The following VOPP1 variants were observed in gnomAD, a reference collection of about 807,000 sequenced individuals.
VOPP1 encodes VOPP1 WW domain binding protein.
Under a neutral mutation model 23.5 loss-of-function variants are expected in VOPP1, and 8 were observed. The ratio of observed to expected loss-of-function variants is 0.34; its 90% CI spans 0.20 to 0.61. VOPP1 has a LOEUF of 0.61. VOPP1 is among the 20% of genes least tolerant of loss of function. The probability of loss-of-function intolerance (pLI) is 0.78; values close to 1 mark genes in which losing one functional copy is unlikely to be tolerated. For synonymous variants in VOPP1, 83 were observed against 97.3 expected (o/e 0.85, Z 0.86); for missense variants, 174 against 238.1 (o/e 0.73, Z 1.77).
chr7:55,499,934 A>G (rs1377671185), intron 2 of VOPP1, among the ~76,000 whole-genome samples: 1 of 152,110 alleles, frequency 6.6e-6, no homozygotes, highest in Admixed American at 6.5e-5. Flanking sequence ...CGGTTGATCA[A>G]TGTGTGTGTG....
intron 4 of VOPP1, among the ~76,000 whole-genome samples, chr7:55,491,153 G>A (rs1313746663): frequency 2.0e-5 from 3 of 152,192 alleles, no homozygotes; most frequent in Admixed American, 2.0e-4. Context: ...CCATAGCCAT[G>A]CTCTATTCCA....
At chr7:55,480,287 T>C (rs112067458) in intron 4 of VOPP1, among the ~76,000 whole-genome samples, 18 of 152,392 alleles carry the variant, frequency 1.2e-4, no homozygotes, top group Middle Eastern at 3.4e-3. Context: ...TTTTGAGTTA[T>C]TGAAATTTTC....
chr7:55,560,980 C>T (rs7807334), intron 1 of VOPP1, among the ~76,000 whole-genome samples: 140,907 of 152,184 alleles, frequency 0.93, 65,940 homozygotes, highest in East Asian at 1. Flanking sequence ...GGCAGCCACC[C>T]TTCTACCTCC....
chr7:55,506,493 G>A (rs565012540), intron 2 of VOPP1, among the ~76,000 whole-genome samples: 59 of 152,050 alleles, frequency 3.9e-4, no homozygotes, highest in Non-Finnish European at 6.9e-4. Flanking sequence ...GCGCCCCCAC[G>A]CCCAGCTAAT....
chr7:55,557,584 A>G (rs1300705890), intron 1 of VOPP1, among the ~76,000 whole-genome samples: 27 of 152,180 alleles, frequency 1.8e-4, no homozygotes, highest in Non-Finnish European at 2.9e-5. Context: ...GGACCCATCT[A>G]ACACCAACCC....
chr7:55,538,869 T>C (rs1584074572), intron 1 of VOPP1, among the ~76,000 whole-genome samples: 1 of 150,116 alleles, frequency 6.7e-6, no homozygotes, highest in East Asian at 2.0e-4. Flanking sequence ...TATAATATGA[T>C]CCCATCTGTG....
At chr7:55,485,637 C>T (rs1268646851) in intron 4 of VOPP1, among the ~76,000 whole-genome samples, 1 of 152,260 alleles carries the variant, frequency 6.6e-6, no homozygotes, top group Non-Finnish European at 1.5e-5. Flanking sequence ...ATAACCCCGG[C>T]TGTCCTGTGG....
chr7:55,456,480 T>A (rs760245552), intron 4 of VOPP1, among the ~76,000 whole-genome samples: 60 of 152,154 alleles, frequency 3.9e-4, no homozygotes, highest in Admixed American at 1.0e-3. Context: ...ATCATTCTAC[T>A]ATAAAGACTC....
At chr7:55,457,581 G>A (rs775271623) in intron 4 of VOPP1, among the ~76,000 whole-genome samples, 6 of 151,882 alleles carry the variant, frequency 4.0e-5, no homozygotes, top group Non-Finnish European at 7.4e-5. Flanking sequence ...TCCACCAACA[G>A]TGTGTAAGAG....
rs199784593 is a variant in VOPP1, at chr7:55,516,659, G to A, written c.113+4413C>T. Among the ~76,000 whole-genome samples the A allele has an allele frequency of 5.3e-5, 8 of 152,196 alleles. No individual in the cohort carries two copies. The East Asian group carries it at 9.7e-4, about 18-fold the overall frequency. On this transcript the variant is annotated intron_variant, in intron 2 of 4. Coordinates refer to ENST00000285279, the MANE Select transcript of VOPP1 (RefSeq NM_030796.5). ...TATAGGAGTAAAATCTCTACAACAAGTTTGCAACCTAGATGTTCCCTCCTC... is the reference window on the plus strand; with the variant it reads ...TATAGGAGTAAAATCTCTACAACAAATTTGCAACCTAGATGTTCCCTCCTC...
At chr7:55,496,358 T>C (rs1421838714) in intron 3 of VOPP1, among the ~76,000 whole-genome samples, 3 of 152,192 alleles carry the variant, frequency 2.0e-5, no homozygotes, top group Non-Finnish European at 4.4e-5. Context: ...CACTGGGCCC[T>C]CCCCGTCTCT....
rs1791911216 is a variant in VOPP1, at chr7:55,472,711, AAAGAGAGCTGT to A, written c.*133_*143del. On this transcript the variant is annotated 3_prime_UTR_variant, in exon 5 of 5. Transcript: ENST00000285279. ...TATATTGTACTCCATGGAAAGCCTG[AAAGAGAGCTGT>A]GCTTGCTGTGAGGATATCAGAGGAA... is the stretch of plus-strand genomic sequence containing the variant. The A allele has an allele frequency of 4.3e-6, 2 of 463,932 alleles. No homozygotes were observed. Among genetic ancestry groups the A allele is most frequent in the African/African-American group, 4.8e-5 (2 of 41,282 alleles). 28.7% of individuals were successfully genotyped at this position (463,932 alleles called of 1,614,324 possible).
chr7:55,511,253 T>G (rs374270361), intron 2 of VOPP1, among the ~76,000 whole-genome samples: 1 of 152,186 alleles, frequency 6.6e-6, no homozygotes, highest in South Asian at 2.1e-4. Context: ...CAGGCAATGA[T>G]AGCCTATTAT....
At position 55,492,355 on chromosome 7, in the gene VOPP1, C is replaced by T. The variant is rs1793637431; in HGVS notation, c.255G>A (p.Met85Ile). Residue 85 changes from methionine (M) to isoleucine (I), a missense_variant, in exon 4 of 5, where the codon ATG (methionine) becomes ATA (isoleucine). Physicochemically the swap from Met to Ile is conservative, Grantham distance 10. Transcript: ENST00000285279. ...CGAGFFIRRR[M>I]YPPPLIEEPA... ...GCTCCTCGATCAGCGGCGGGGGGTA[C>T]ATGCGCCTCCGGATGAAGAAGCCGG... 2.5e-6 allele frequency: 4 copies of T among 1,608,370 alleles called. No homozygotes were observed. The highest frequency in any genetic ancestry group is 1.3e-5 in the African/African-American group (1 of 74,944).
chr7:55,492,380 G>A lies in VOPP1; in HGVS notation c.230C>T (p.Ala77Val). 1.2e-6 allele frequency: 2 copies of A among 1,610,290 alleles called. No individual in the cohort carries two copies. Among genetic ancestry groups the A allele is most frequent in the South Asian group, 2.2e-5 (2 of 90,296 alleles). The change falls in exon 4 of 5, where the codon GCC (alanine) becomes GTC (valine). Residue 77 changes from alanine (A) to valine (V), a missense_variant. Ala to Val is a moderately conservative substitution (Grantham distance 64). Transcript: ENST00000285279. ...CATGCGCCTCCGGATGAAGAAGCCG[G>A]CTCCGCAGCAGAAAAGCACGCCCAT... Reference protein sequence around the residue: ...LMMGVLFCCGAGFFIRRRMYP... With the variant: ...LMMGVLFCCGVGFFIRRRMYP...
chr7:55,479,255 T>C (rs1019834750), intron 4 of VOPP1, among the ~76,000 whole-genome samples: 3 of 152,002 alleles, frequency 2.0e-5, no homozygotes, highest in East Asian at 1.9e-4. Flanking sequence ...GCTGCACCCA[T>C]TAACTCGTCA....
At chr7:55,567,794 T>A (rs920610433) in intron 1 of VOPP1, among the ~76,000 whole-genome samples, 1 of 152,170 alleles carries the variant, frequency 6.6e-6, no homozygotes, top group Non-Finnish European at 1.5e-5. Flanking sequence ...TCTTTTTCAT[T>A]CAAATTGCAT....
chr7:55,493,362 T>C (rs1329100154), intron 3 of VOPP1, among the ~76,000 whole-genome samples: 2 of 152,260 alleles, frequency 1.3e-5, no homozygotes, highest in Admixed American at 6.5e-5. Context: ...GGGCACCTGC[T>C]GCCCTGTGAG....
chr7:55,544,205 T>C (rs1797263644), intron 1 of VOPP1, among the ~76,000 whole-genome samples: 1 of 152,258 alleles, frequency 6.6e-6, no homozygotes. Flanking sequence ...AGCCCCTTTG[T>C]CAAAAATCAA....
Sources: gnomAD v4.1 joint callset for allele counts (sites outside exome capture counted in the v4.1 genomes callset) on GRCh38, gnomAD v4.1.1 for gene constraint, MANE v1.5 for transcripts, NCBI Gene and HGNC (gene_info 2026-07-23, HGNC 2026-07-21) for gene names.